Variants in COX10 observed in about 807,000 individuals in gnomAD.
The protein encoded by COX10 is protoheme IX farnesyltransferase, mitochondrial.
A neutral mutation model predicts 37.3 loss-of-function variants in COX10; 27 were observed. The observed-to-expected ratio is 0.72, with a 90% CI of 0.53 to 1.00. The LOEUF (loss-of-function observed/expected upper bound fraction) is 1.00. Among genes scored for constraint, COX10 ranks in the 50% least tolerant of loss-of-function variants. The pLI, the probability that COX10 is intolerant of heterozygous loss-of-function variation, is 0.00. For missense variants in COX10, 475 were observed against 563.2 expected (o/e 0.84, Z 1.59); for synonymous variants, 222 against 229.1 (o/e 0.97, Z 0.28).
intron 4 of COX10, among the ~76,000 whole-genome samples, chr17:14,110,806 C>T (rs1465378673): frequency 6.6e-6 from 1 of 151,990 alleles, no homozygotes; most frequent in African/African-American, 2.4e-5. Context: ...TGGCTGATCC[C>T]TGGGAGACTG....
intron 6 of COX10, among the ~76,000 whole-genome samples, chr17:14,194,415 A>G (rs955244600): frequency 6.6e-6 from 1 of 152,202 alleles, no homozygotes; most frequent in African/African-American, 2.4e-5. Flanking sequence ...AACTGCTAAT[A>G]GTCATGTTTA....
intron 5 of COX10, among the ~76,000 whole-genome samples, chr17:14,160,868 A>G (rs747392279): frequency 1.3e-5 from 2 of 152,354 alleles, no homozygotes; most frequent in South Asian, 2.1e-4. Context: ...TGAAATATAA[A>G]CAAAGGTATA....
At chr17:14,101,555 G>A (rs1915783647) in intron 3 of COX10, among the ~76,000 whole-genome samples, 1 of 152,070 alleles carries the variant, frequency 6.6e-6, no homozygotes, top group Non-Finnish European at 1.5e-5. Context: ...TCTGTACCTC[G>A]CCTCTTCCCT....
intron 5 of COX10, 30 bp downstream of exon 5, chr17:14,159,977 A>G (rs1204225077): frequency 1.3e-6 from 2 of 1,567,888 alleles, no homozygotes; most frequent in Admixed American, 1.7e-5. Context: ...TGTCTTCCAC[A>G]TTATAAAACA....
intron 5 of COX10, among the ~76,000 whole-genome samples, chr17:14,164,984 T>C (rs1905245586): frequency 6.6e-6 from 1 of 152,178 alleles, no homozygotes; most frequent in Non-Finnish European, 1.5e-5. Context: ...AACAGAATTA[T>C]TGATAACGTC....
At chr17:14,120,343 A>G (rs1353314102) in intron 4 of COX10, among the ~76,000 whole-genome samples, 2 of 152,210 alleles carry the variant, frequency 1.3e-5, no homozygotes, top group African/African-American at 4.8e-5. Flanking sequence ...AATTATAGCC[A>G]TGGACACCAA....
chr17:14,094,637 A>C (rs922372162), intron 3 of COX10, among the ~76,000 whole-genome samples: 4 of 152,218 alleles, frequency 2.6e-5, no homozygotes, highest in Non-Finnish European at 5.9e-5. Flanking sequence ...ACAGAGAGAT[A>C]ACTTAGATTA....
At chr17:14,159,184 G>A (rs1905120103) in intron 4 of COX10, among the ~76,000 whole-genome samples, 1 of 152,096 alleles carries the variant, frequency 6.6e-6, no homozygotes, top group African/African-American at 2.4e-5. Context: ...ACTATCCTGG[G>A]CAGAATAGGA....
Position 14,169,647 on chromosome 17 carries a change from G to A in COX10, c.695+9700G>A, listed in dbSNP as rs186613229. Among the ~76,000 whole-genome samples, 3 of 152,290 alleles carry A rather than the reference G, an allele frequency of 2.0e-5. No homozygotes were observed. In the East Asian group the frequency reaches 5.8e-4, roughly 29 times the overall value. On this transcript the variant is annotated intron_variant, in intron 5 of 6. Coordinates refer to ENST00000261643, the MANE Select transcript of COX10 (RefSeq NM_001303.4). ...CTTGTTTGAACATTTCTGGCAAATC[G>A]TTCTGGCTATAATGTTTGTTGTAAT...
chr17:14,082,253 A>G (rs1188036837), intron 3 of COX10, among the ~76,000 whole-genome samples: 1 of 152,178 alleles, frequency 6.6e-6, no homozygotes, highest in African/African-American at 2.4e-5. Context: ...ACCCTGTCAC[A>G]GAAGCCAAAA....
At chr17:14,203,989 GAT>G (rs1211733624) in intron 6 of COX10, among the ~76,000 whole-genome samples, 4 of 152,148 alleles carry the variant, frequency 2.6e-5, no homozygotes, top group Non-Finnish European at 5.9e-5. Context: ...GGAAGGAGAA[GAT>G]AGACAGAATC....
intron 4 of COX10, among the ~76,000 whole-genome samples, chr17:14,126,082 A>G (rs1916337479): frequency 1.3e-5 from 2 of 152,326 alleles, no homozygotes; most frequent in African/African-American, 2.4e-5. Context: ...AATAAGGGGT[A>G]CTTGTGTTGA....
intron 5 of COX10, among the ~76,000 whole-genome samples, chr17:14,167,339 T>C (rs1429624157): frequency 4.6e-5 from 7 of 152,214 alleles, no homozygotes; most frequent in Admixed American, 4.6e-4. Context: ...TGAACATTGT[T>C]GAAATGAAAA....
intron 5 of COX10, among the ~76,000 whole-genome samples, chr17:14,172,111 TCTTCCA>T (rs1905488823): frequency 6.6e-6 from 1 of 152,098 alleles, no homozygotes. Flanking sequence ...CTTCCATCTG[TCTTCCA>T]CTCAACTGGC....
In COX10 at chr17:14,140,939, T is replaced by C. The variant is rs999756127; in HGVS notation, c.625-18938T>C. 3.3e-5 allele frequency among the ~76,000 whole-genome samples: 5 copies of C among 152,298 alleles called. No homozygotes were observed. The East Asian group carries it at 5.8e-4, about 18-fold the overall frequency. On this transcript the variant is annotated intron_variant, in intron 4 of 6. Coordinates refer to ENST00000261643, the MANE Select transcript of COX10 (RefSeq NM_001303.4). ...TTAAGGAAATGATGCCTCTAATACA[T>C]TGAATTATTAAAACTATCATTTTGA...
intron 4 of COX10, among the ~76,000 whole-genome samples, chr17:14,134,363 A>G (rs1916532274): frequency 1.3e-5 from 2 of 151,858 alleles, no homozygotes; most frequent in Non-Finnish European, 1.5e-5. Context: ...TTTTTTTTCA[A>G]TCATCAAGAA....
In COX10 at chr17:14,207,532, C is replaced by T. The variant is rs368791319; in HGVS notation, c.*319C>T. 10 of 295,724 alleles carry T rather than the reference C, an allele frequency of 3.4e-5. No individual in the cohort carries two copies. The highest frequency in any genetic ancestry group is 2.2e-4 in the African/African-American group (10 of 46,108). 18.3% of individuals were successfully genotyped at this position (295,724 alleles called of 1,614,324 possible). A position where few individuals can be genotyped will look rare whatever the true frequency, so the allele number is the denominator to read the frequency against. ...TGGGGGTACACATACACAGCTTCCT[C>T]TTTTGGTTCCATCCTTACCACCACA... On this transcript the variant is annotated 3_prime_UTR_variant, in exon 7 of 7. Transcript: ENST00000261643.
chr17:14,164,739 G>A (rs1905240818), intron 5 of COX10, among the ~76,000 whole-genome samples: 1 of 152,178 alleles, frequency 6.6e-6, no homozygotes, highest in Non-Finnish European at 1.5e-5. Context: ...TGGAGCAAGT[G>A]AGGAAGAAGA....
intron 4 of COX10, among the ~76,000 whole-genome samples, chr17:14,107,223 A>ATT (rs149471100): frequency 8.0e-5 from 12 of 149,742 alleles, no homozygotes; most frequent in African/African-American, 1.2e-4. Flanking sequence ...TTCTACTTTC[A>ATT]TTTTTTTTTT....
Sources: gnomAD v4.1 joint callset for allele counts (sites outside exome capture counted in the v4.1 genomes callset) on GRCh38, gnomAD v4.1.1 for gene constraint, MANE v1.5 for transcripts, NCBI Gene and HGNC (gene_info 2026-07-23, HGNC 2026-07-21) for gene names.